ADGRL3: variants seen among roughly 807,000 people sequenced by gnomAD.
ADGRL3 encodes adhesion G protein-coupled receptor L3, also known as calcium-independent alpha-latrotoxin receptor 3.
A neutral mutation model predicts 153.5 loss-of-function variants in ADGRL3; 62 were observed. That is an observed-to-expected ratio of 0.40 (90% CI 0.33 to 0.50). The LOEUF is 0.50. Among genes scored for constraint, ADGRL3 ranks in the 20% least tolerant of loss-of-function variants. The pLI is 0.47. For synonymous variants in ADGRL3, 710 were observed against 672.5 expected (o/e 1.06, Z -0.86); for missense variants, 1,641 against 1,859.4 (o/e 0.88, Z 2.16).
intron 21 of ADGRL3, among the ~76,000 whole-genome samples, chr4:62,020,887 G>C (rs1474040444): frequency 1.3e-5 from 2 of 151,888 alleles, no homozygotes; most frequent in African/African-American, 4.8e-5. Flanking sequence ...TGTTCATTAG[G>C]AATTTTGGAA....
At chr4:61,987,475 T>A (rs2099089888) in intron 19 of ADGRL3, among the ~76,000 whole-genome samples, 1 of 152,054 alleles carries the variant, frequency 6.6e-6, no homozygotes, top group Non-Finnish European at 1.5e-5. Flanking sequence ...ATGCCCAGCC[T>A]GCTTTTATTT....
chr4:61,600,659 G>A (rs570832010), intron 5 of ADGRL3, among the ~76,000 whole-genome samples: 81 of 152,148 alleles, frequency 5.3e-4, no homozygotes, highest in African/African-American at 1.9e-3. Flanking sequence ...AGTTATTATC[G>A]TGACTAGAGA....
intron 21 of ADGRL3, among the ~76,000 whole-genome samples, chr4:62,027,763 C>A (rs1719607410): frequency 6.6e-6 from 1 of 151,878 alleles, no homozygotes; most frequent in South Asian, 2.1e-4. Context: ...CGGTTCTGAG[C>A]ATTTTATTCA....
At chr4:61,467,479 T>G (rs1189068026) in intron 2 of ADGRL3, among the ~76,000 whole-genome samples, 3 of 151,562 alleles carry the variant, frequency 2.0e-5, no homozygotes, top group Admixed American at 6.6e-5. Flanking sequence ...GATGTGGGTG[T>G]GTGTGTGTGT....
intron 1 of ADGRL3, among the ~76,000 whole-genome samples, chr4:61,274,117 A>G (rs972045040): frequency 9.2e-5 from 14 of 152,348 alleles, no homozygotes; most frequent in Admixed American, 3.3e-4. Context: ...TATCAGAGGA[A>G]GAAGCTGCTG....
chr4:61,280,676 T>A (rs1227208281), intron 1 of ADGRL3, among the ~76,000 whole-genome samples: 1 of 152,206 alleles, frequency 6.6e-6, no homozygotes, highest in African/African-American at 2.4e-5. Context: ...TATTTAATGG[T>A]TAAAAATGTA....
chr4:61,907,944 A>C (rs1213495268), intron 11 of ADGRL3, among the ~76,000 whole-genome samples: 4 of 152,140 alleles, frequency 2.6e-5, no homozygotes, highest in Non-Finnish European at 5.9e-5. Flanking sequence ...GCCCTCACTC[A>C]AAATGGAGTT....
intron 2 of ADGRL3, among the ~76,000 whole-genome samples, chr4:61,435,671 G>A (rs1247538410): frequency 1.3e-5 from 2 of 150,356 alleles, no homozygotes; most frequent in Non-Finnish European, 2.9e-5. Flanking sequence ...CCTTTCACGG[G>A]GACAATTGCA....
intron 8 of ADGRL3, among the ~76,000 whole-genome samples, chr4:61,788,516 G>C (rs1389110306): frequency 6.6e-6 from 1 of 152,102 alleles, no homozygotes; most frequent in East Asian, 1.9e-4. Context: ...CACCCCGTGG[G>C]ACAAAAGAAT....
chr4:61,856,357 C>T (rs2098263660), intron 9 of ADGRL3, among the ~76,000 whole-genome samples: 1 of 147,724 alleles, frequency 6.8e-6, no homozygotes, highest in Admixed American at 6.8e-5. Flanking sequence ...CTTCTTCTTT[C>T]CTTCTTCCCT....
intron 26 of ADGRL3, 133 bp downstream of exon 26, chr4:62,068,316 C>G: frequency 3.0e-6 from 2 of 657,914 alleles, no homozygotes; most frequent in Non-Finnish European, 4.7e-6. Flanking sequence ...GCCTATGAAT[C>G]GACTTATATA....
intron 2 of ADGRL3, among the ~76,000 whole-genome samples, chr4:61,432,641 T>TGAGA (rs2097381501): frequency 1.2e-5 from 1 of 82,668 alleles, no homozygotes; most frequent in African/African-American, 4.8e-5. Flanking sequence ...TTTCTTTCTT[T>TGAGA]CTTTCTTTCT....
chr4:61,760,545 G>A (rs1041986011), intron 8 of ADGRL3, among the ~76,000 whole-genome samples: 2 of 152,180 alleles, frequency 1.3e-5, no homozygotes, highest in South Asian at 2.1e-4. Context: ...AATTTTCCAG[G>A]TGCTGTCTGT....
intron 17 of ADGRL3, among the ~76,000 whole-genome samples, chr4:61,971,333 G>C (rs548357964): frequency 6.6e-6 from 1 of 151,936 alleles, no homozygotes; most frequent in Non-Finnish European, 1.5e-5. Flanking sequence ...ACAGTCCCCA[G>C]AGTGTGATGT....
At chr4:61,657,493 G>A (rs988231520) in intron 5 of ADGRL3, among the ~76,000 whole-genome samples, 1 of 151,680 alleles carries the variant, frequency 6.6e-6, no homozygotes, top group African/African-American at 2.4e-5. Flanking sequence ...GAGAGTATGG[G>A]AATTTTATTC....
At chr4:61,691,428 C>G (rs2095537739) in intron 6 of ADGRL3, among the ~76,000 whole-genome samples, 1 of 152,082 alleles carries the variant, frequency 6.6e-6, no homozygotes, top group Non-Finnish European at 1.5e-5. Context: ...TCATGGAAAA[C>G]AGGAACTTTT....
intron 2 of ADGRL3, among the ~76,000 whole-genome samples, chr4:61,432,725 C>T (rs10866119): frequency 0.46 from 61,785 of 133,092 alleles, 16,290 homozygotes; most frequent in East Asian, 0.82. Flanking sequence ...GCGATCTCGG[C>T]GCACCGCAAC....
rs188279573 is a variant in ADGRL3, at chr4:61,215,809, C to T, written c.-240+14044C>T. On this transcript the variant is annotated intron_variant, in intron 1 of 26. Transcript: ENST00000683033. Reference sequence around the variant, plus strand: ...CCTCGTGATCCATCCGCCTCGGCCTCCCAAAGTGCTGGGATTACAGGCATG... The same window carrying T: ...CCTCGTGATCCATCCGCCTCGGCCTTCCAAAGTGCTGGGATTACAGGCATG... Among the ~76,000 whole-genome samples, 774 of 152,142 alleles carry T rather than the reference C, an allele frequency of 5.1e-3. 7 individuals are homozygous for T. Among genetic ancestry groups the T allele is most frequent in the African/African-American group, 0.018 (750 of 41,506 alleles).
intron 15 of ADGRL3, among the ~76,000 whole-genome samples, chr4:61,946,621 G>T (rs2150297234): frequency 6.6e-6 from 1 of 152,112 alleles, no homozygotes; most frequent in East Asian, 1.9e-4. Flanking sequence ...TCTATATTTT[G>T]TTCTAGAAGC....
Sources: gnomAD v4.1 joint callset for allele counts (sites outside exome capture counted in the v4.1 genomes callset) on GRCh38, gnomAD v4.1.1 for gene constraint, MANE v1.5 for transcripts, NCBI Gene and HGNC (gene_info 2026-07-23, HGNC 2026-07-21) for gene names.